The following LRRC4C variants were observed in gnomAD, a reference collection of about 807,000 sequenced individuals.
LRRC4C encodes leucine rich repeat containing 4C, also known as leucine-rich repeat-containing protein 4C.
A neutral mutation model predicts 33.6 loss-of-function variants in LRRC4C; 5 were observed. The ratio of observed to expected loss-of-function variants is 0.15; its 90% CI spans 0.08 to 0.31. The LOEUF (loss-of-function observed/expected upper bound fraction) is 0.31, where lower values mean the gene tolerates loss of function less well. Among genes scored for constraint, LRRC4C ranks in the 10% least tolerant of loss-of-function variants. LRRC4C has a pLI of 1.00. For missense variants in LRRC4C, 560 were observed against 796.7 expected (o/e 0.70, Z 3.58); for synonymous variants, 329 against 302.0 (o/e 1.09, Z -0.93).
chr11:40,591,351 C>T (rs60152733), intron 3 of LRRC4C, among the ~76,000 whole-genome samples: 20,329 of 152,066 alleles, frequency 0.13, 1,475 homozygotes, highest in Admixed American at 0.2. Context: ...GCACGGTGCA[C>T]GGACCCACTG....
intron 1 of LRRC4C, among the ~76,000 whole-genome samples, chr11:41,395,582 A>G: frequency 6.6e-6 from 1 of 152,012 alleles, no homozygotes; most frequent in Admixed American, 6.6e-5. Context: ...TCTTCCAAAT[A>G]TAGGCCTTAA....
At chr11:40,381,493 G>A (rs1948865340) in intron 3 of LRRC4C, among the ~76,000 whole-genome samples, 1 of 152,094 alleles carries the variant, frequency 6.6e-6, no homozygotes, top group South Asian at 2.1e-4. Context: ...AGTACATACT[G>A]TCTCTGGTGT....
chr11:41,383,543 G>A (rs1032488285), intron 1 of LRRC4C, among the ~76,000 whole-genome samples: 41 of 151,868 alleles, frequency 2.7e-4, no homozygotes, highest in African/African-American at 9.4e-4. Context: ...GAAATTTCTA[G>A]GGTCATCATT....
chr11:40,591,899 G>A (rs1490501332), intron 3 of LRRC4C, among the ~76,000 whole-genome samples: 6 of 152,226 alleles, frequency 3.9e-5, no homozygotes, highest in Non-Finnish European at 7.3e-5. Flanking sequence ...TAAGGCGACT[G>A]TATAACTGTA....
chr11:40,736,673 CTGT>C (rs1179368608), intron 2 of LRRC4C, among the ~76,000 whole-genome samples: 1 of 152,074 alleles, frequency 6.6e-6, no homozygotes, highest in Non-Finnish European at 1.5e-5. Context: ...TTTCCAGTAT[CTGT>C]TGTTTCCTGA....
At chr11:40,821,094 A>G (rs1378840142) in intron 2 of LRRC4C, among the ~76,000 whole-genome samples, 1 of 151,770 alleles carries the variant, frequency 6.6e-6, no homozygotes. Flanking sequence ...AATAAATCTG[A>G]TGAAGTTTAA....
At chr11:40,133,429 G>A (rs57889817) in intron 6 of LRRC4C, among the ~76,000 whole-genome samples, 1 of 152,112 alleles carries the variant, frequency 6.6e-6, no homozygotes. Context: ...TAATTTCCTA[G>A]AGAGTAACCA....
At chr11:40,992,180 A>G (rs1460115747) in intron 1 of LRRC4C, among the ~76,000 whole-genome samples, 4 of 152,194 alleles carry the variant, frequency 2.6e-5, no homozygotes, top group Non-Finnish European at 5.9e-5. Context: ...TCAGCATCTC[A>G]GATAAAAAAC....
rs1433827463 is a variant in LRRC4C at position 41,232,380 on chromosome 11, A to G, written c.-496+227051T>C. ...GGATATTTAGCATTCTTGACTTCTA[A>G]TCACTAAATGTTAGTGGCACTTGTT... On this transcript the variant is annotated intron_variant, in intron 1 of 6. Transcript: ENST00000528697. 2.6e-5 allele frequency among the ~76,000 whole-genome samples: 4 copies of G among 152,120 alleles called. No homozygotes were observed. In the East Asian group the frequency reaches 7.8e-4, roughly 30 times the overall value.
At chr11:40,147,696 A>T (rs572532990) in intron 5 of LRRC4C, among the ~76,000 whole-genome samples, 1 of 152,164 alleles carries the variant, frequency 6.6e-6, no homozygotes, top group African/African-American at 2.4e-5. Flanking sequence ...AAAGAAAATA[A>T]TTAAAAAACA....
chr11:41,150,592 C>A (rs1041581734), intron 1 of LRRC4C, among the ~76,000 whole-genome samples: 1 of 151,898 alleles, frequency 6.6e-6, no homozygotes, highest in Non-Finnish European at 1.5e-5. Context: ...GAGTTTGAGA[C>A]CAGCCTGGCC....
intron 3 of LRRC4C, among the ~76,000 whole-genome samples, chr11:40,411,515 T>A (rs1392349149): frequency 6.6e-6 from 1 of 152,098 alleles, no homozygotes; most frequent in African/African-American, 2.4e-5. Context: ...TTTCTTCTTT[T>A]TGAACACTAA....
intron 1 of LRRC4C, among the ~76,000 whole-genome samples, chr11:41,127,475 CT>C (rs1388299771): frequency 2.0e-5 from 3 of 151,698 alleles, no homozygotes; most frequent in African/African-American, 7.2e-5. Context: ...TTTCTTTTTT[CT>C]TTGTTTTTGC....
chr11:40,816,123 A>C (rs937035027), intron 2 of LRRC4C, among the ~76,000 whole-genome samples: 4 of 152,154 alleles, frequency 2.6e-5, no homozygotes, highest in Non-Finnish European at 4.4e-5. Flanking sequence ...GCTCAAAGAG[A>C]CCAAAGTTGA....
At chr11:40,892,500 A>G (rs927651032) in intron 2 of LRRC4C, among the ~76,000 whole-genome samples, 2 of 152,230 alleles carry the variant, frequency 1.3e-5, no homozygotes, top group Non-Finnish European at 1.5e-5. Flanking sequence ...CAGTGTTCAT[A>G]GCAATGGTAT....
At position 41,283,694 on chromosome 11, in the gene LRRC4C, G is replaced by A. The variant is rs138055750; in HGVS notation, c.-496+175737C>T. Among the ~76,000 whole-genome samples, 261 of 152,214 alleles carry A rather than the reference G, an allele frequency of 1.7e-3. 1 individual carries two copies. Among genetic ancestry groups the A allele is most frequent in the African/African-American group, 6.0e-3 (250 of 41,526 alleles). ...GCAGTAGTTGTGCCAGAGACCATAA[G>A]ACCCACAAAGTCTCAACTATTTACC... On this transcript the variant is annotated intron_variant, in intron 1 of 6. Coordinates refer to ENST00000528697, the MANE Select transcript of LRRC4C (RefSeq NM_001258419.2).
intron 3 of LRRC4C, among the ~76,000 whole-genome samples, chr11:40,601,582 G>A (rs766309911): frequency 5.9e-5 from 9 of 152,166 alleles, no homozygotes; most frequent in African/African-American, 9.7e-5. Context: ...AAATCACTCA[G>A]TTGCACATCT....
At chr11:40,126,167 A>AAG (rs1448503379) in intron 6 of LRRC4C, among the ~76,000 whole-genome samples, 1 of 151,770 alleles carries the variant, frequency 6.6e-6, no homozygotes, top group Non-Finnish European at 1.5e-5. Context: ...GATTTACGAA[A>AAG]AAAAAAAAAA....
chr11:40,412,350 C>G (rs1287733022), intron 3 of LRRC4C, among the ~76,000 whole-genome samples: 1 of 152,036 alleles, frequency 6.6e-6, no homozygotes, highest in Non-Finnish European at 1.5e-5. Context: ...ATTGACCACA[C>G]AGTTACTGTC....
Sources: gnomAD v4.1 joint callset for allele counts (sites outside exome capture counted in the v4.1 genomes callset) on GRCh38, gnomAD v4.1.1 for gene constraint, MANE v1.5 for transcripts, NCBI Gene and HGNC (gene_info 2026-07-23, HGNC 2026-07-21) for gene names.